The following EVI5 variants were observed in gnomAD, a reference collection of about 807,000 sequenced individuals.
EVI5 encodes the protein ecotropic viral integration site 5.
In EVI5, 73 loss-of-function variants were observed where a neutral mutation model predicts 112.0. That is an observed-to-expected ratio of 0.65 (90% confidence interval 0.54 to 0.79). The LOEUF is 0.79. EVI5 is among the 30% of genes least tolerant of loss of function. EVI5 has a pLI of 0.00. For synonymous variants in EVI5, 305 were observed against 319.9 expected (o/e 0.95, Z 0.50); for missense variants, 900 against 968.8 (o/e 0.93, Z 0.94).
At position 92,630,882 on chromosome 1, in the gene EVI5, T is replaced by C. The variant is rs112630323; in HGVS notation, c.1528-4948A>G. 3.4e-4 allele frequency among the ~76,000 whole-genome samples: 51 copies of C among 152,182 alleles called. 1 individual carries two copies. In the South Asian group the frequency reaches 8.3e-3, roughly 25 times the overall value. Reference sequence around the variant, plus strand: ...GAAGGGATCCAGTTTCAGCTTTCTATATATGGCTAGCCAGTTTTCCCAGCA... The same window carrying C: ...GAAGGGATCCAGTTTCAGCTTTCTACATATGGCTAGCCAGTTTTCCCAGCA... On this transcript the variant is annotated intron_variant, in intron 14 of 19. Coordinates refer to ENST00000684568, the MANE Select transcript of EVI5 (RefSeq NM_001350197.2).
chr1:92,725,936 A>C (rs1675502113), intron 2 of EVI5, among the ~76,000 whole-genome samples: 1 of 152,188 alleles, frequency 6.6e-6, no homozygotes, highest in African/African-American at 2.4e-5. Context: ...TAAAGATAAA[A>C]CTATAACACA....
intron 18 of EVI5, among the ~76,000 whole-genome samples, 159 bp from the exon 19 acceptor site, chr1:92,563,896 A>C (rs6656432): frequency 6.6e-6 from 1 of 152,234 alleles, no homozygotes; most frequent in African/African-American, 2.4e-5. Flanking sequence ...ACAATTCATA[A>C]TGAACTATGC....
At chr1:92,673,047 G>A (rs574030414) in intron 10 of EVI5, among the ~76,000 whole-genome samples, 1 of 152,086 alleles carries the variant, frequency 6.6e-6, no homozygotes, top group African/African-American at 2.4e-5. Context: ...CTTTAATAAT[G>A]CTGTTTTAAG....
At position 92,704,705 on chromosome 1, in the gene EVI5, A is replaced by G; in HGVS notation, c.189T>C (p.Asn63=). ...AAGAGCCACTGTTTCTTCTTGACCC[A>G]TTTACAGATCTTAAAGACTTACTAT... ...ETDSKSLRSV[N]GSRRNSGSSL... is the part of the protein sequence containing the mutation. Residue 63 remains asparagine, a synonymous_variant, in exon 3 of 20, where the codon AAT becomes AAC. Transcript: ENST00000684568. 1 of 1,589,474 alleles carries G rather than the reference A, an allele frequency of 6.3e-7. No individual in the cohort carries two copies. Among genetic ancestry groups the G allele is most frequent in the Non-Finnish European group, 8.6e-7 (1 of 1,166,904 alleles).
At chr1:92,623,694 C>T (rs1234913849) in intron 16 of EVI5, among the ~76,000 whole-genome samples, 1 of 152,180 alleles carries the variant, frequency 6.6e-6, no homozygotes, top group Non-Finnish European at 1.5e-5. Flanking sequence ...TTTTGTCCCC[C>T]AGGGGACATT....
intron 1 of EVI5, among the ~76,000 whole-genome samples, chr1:92,775,772 T>G (rs938299264): frequency 6.6e-6 from 1 of 152,194 alleles, no homozygotes; most frequent in Non-Finnish European, 1.5e-5. Context: ...GGGGATTTTG[T>G]GCAGTTGAGA....
intron 5 of EVI5, among the ~76,000 whole-genome samples, chr1:92,701,425 A>T (rs1671131134): frequency 6.6e-6 from 1 of 152,218 alleles, no homozygotes; most frequent in Non-Finnish European, 1.5e-5. Flanking sequence ...AAATTCATAC[A>T]GCATGTGCAG....
chr1:92,529,557 CTGTGCATAATCAG>C (rs1175748279), intron 19 of EVI5, among the ~76,000 whole-genome samples: 2 of 152,132 alleles, frequency 1.3e-5, no homozygotes, highest in Non-Finnish European at 2.9e-5. Flanking sequence ...ATATTTGTCA[CTGTGCATAATCAG>C]TCTCAGTTTC....
intron 7 of EVI5, 151 bp from the exon 8 acceptor site, chr1:92,694,539 G>A: frequency 1.7e-6 from 1 of 589,418 alleles, no homozygotes; most frequent in Non-Finnish European, 3.0e-6. Flanking sequence ...AAGTATTTTA[G>A]GTTTGGTGGG....
At chr1:92,574,365 C>T (rs1248339487) in intron 18 of EVI5, among the ~76,000 whole-genome samples, 1 of 152,128 alleles carries the variant, frequency 6.6e-6, no homozygotes, top group Non-Finnish European at 1.5e-5. Context: ...GTGTCTTCAC[C>T]TGTATCAGCT....
At chr1:92,686,288 G>A (rs1317127206) in intron 9 of EVI5, among the ~76,000 whole-genome samples, 3 of 152,038 alleles carry the variant, frequency 2.0e-5, no homozygotes, top group Non-Finnish European at 2.9e-5. Flanking sequence ...CAGAACCAAC[G>A]ACAAAAACCA....
rs1386502245 is a variant in EVI5, at chr1:92,513,034, G to A, written c.*622C>T. 6.6e-6 allele frequency: 1 copy of A among 151,986 alleles called. No homozygotes were observed. The highest frequency in any genetic ancestry group is 1.5e-5 in the Non-Finnish European group (1 of 68,100). 9.4% of individuals were successfully genotyped at this position (151,986 alleles called of 1,614,324 possible). On this transcript the variant is annotated 3_prime_UTR_variant, in exon 20 of 20. Transcript: ENST00000684568. ...GTGGTGGTGCGCACATATAGTCCCA[G>A]GTACTCGGGAGGCTGAGGCAGGAAA...
At chr1:92,665,833 C>T (rs572614546) in intron 11 of EVI5, 106 bp downstream of exon 11, 1 of 725,896 alleles carries the variant, frequency 1.4e-6, no homozygotes, top group African/African-American at 1.8e-5. Flanking sequence ...GCAGTCAATA[C>T]TACAACATAG....
intron 1 of EVI5, chr1:92,756,410 T>A: frequency 1.9e-6 from 1 of 537,908 alleles, no homozygotes. Flanking sequence ...TTATGCACTT[T>A]CTTCTGTAGC....
chr1:92,656,276 C>A (rs547275121), intron 13 of EVI5, among the ~76,000 whole-genome samples: 3 of 152,078 alleles, frequency 2.0e-5, no homozygotes, highest in South Asian at 4.2e-4. Context: ...CATAAAAATT[C>A]ACCTGCTCCC....
intron 13 of EVI5, among the ~76,000 whole-genome samples, chr1:92,649,590 C>G (rs1015491261): frequency 2.0e-5 from 3 of 152,072 alleles, no homozygotes; most frequent in Non-Finnish European, 4.4e-5. Flanking sequence ...CTGAGGCAGG[C>G]AGATCGCTTG....
intron 19 of EVI5, among the ~76,000 whole-genome samples, chr1:92,546,253 G>C (rs1665676843): frequency 6.6e-6 from 1 of 152,126 alleles, no homozygotes; most frequent in Non-Finnish European, 1.5e-5. Context: ...GGCATCCTAA[G>C]GTCACCCAGC....
At chr1:92,640,007 T>C (rs1174010788) in intron 13 of EVI5, among the ~76,000 whole-genome samples, 2 of 152,074 alleles carry the variant, frequency 1.3e-5, no homozygotes, top group African/African-American at 4.8e-5. Flanking sequence ...ACAAAAGCAA[T>C]GGGGAAAGGA....
chr1:92,589,707 A>G (rs1169384969), intron 18 of EVI5, among the ~76,000 whole-genome samples: 1 of 152,168 alleles, frequency 6.6e-6, no homozygotes, highest in Admixed American at 6.5e-5. Context: ...TAGCCAAACA[A>G]AAGGCAGCAG....
Sources: allele counts gnomAD v4.1 joint callset (sites outside exome capture counted in the v4.1 genomes callset), GRCh38; gene constraint gnomAD v4.1.1; transcripts MANE v1.5; gene names NCBI Gene and HGNC (gene_info 2026-07-23, HGNC 2026-07-21).